Variants in NPAS3 observed in about 807,000 individuals in gnomAD.
The protein encoded by NPAS3 is neuronal PAS domain-containing protein 3.
NPAS3 carries 14 observed loss-of-function variants against 73.1 expected under a neutral mutation model. That is an observed-to-expected ratio of 0.19 (90% CI 0.13 to 0.30). The LOEUF (loss-of-function observed/expected upper bound fraction) is 0.30, where lower values mean the gene tolerates loss of function less well. Among genes scored for constraint, NPAS3 ranks in the 10% least tolerant of loss-of-function variants. The pLI is 1.00. For synonymous variants in NPAS3, 620 were observed against 541.5 expected, an observed-to-expected ratio of 1.14 and a Z score of -2.01; for missense variants, 1,096 against 1,250.0, an observed-to-expected ratio of 0.88 and a Z score of 1.86.
At chr14:32,951,666 A>C (rs73264619) in intron 1 of NPAS3, among the ~76,000 whole-genome samples, 8,499 of 152,204 alleles carry the variant, frequency 0.056, 413 homozygotes, top group African/African-American at 0.13. Flanking sequence ...GATGATATAC[A>C]ATGAAGAAGG....
chr14:33,503,837 T>A (rs2052631759), intron 4 of NPAS3, among the ~76,000 whole-genome samples: 1 of 151,938 alleles, frequency 6.6e-6, no homozygotes, highest in Non-Finnish European at 1.5e-5. Flanking sequence ...CATTTTTCCC[T>A]TTAGGGGGAG....
chr14:33,373,442 T>G (rs17491314), intron 4 of NPAS3, among the ~76,000 whole-genome samples: 31,319 of 151,214 alleles, frequency 0.21, 4,164 homozygotes, highest in Non-Finnish European at 0.31. Context: ...GTAAAATACA[T>G]GCCATTACTA....
chr14:33,459,813 T>C lies in NPAS3; in HGVS notation c.468+92545T>C, dbSNP rs144028127. On this transcript the variant is annotated intron_variant, in intron 4 of 11. Coordinates refer to ENST00000356141, the Ensembl canonical transcript of NPAS3. ...CTGAGTCAGAATCCTTATTTTTTCA[T>C]TGGGTGCCCAAGAACCCTCTTTCCT... Among the ~76,000 whole-genome samples, 11 of 152,314 alleles carry C rather than the reference T, an allele frequency of 7.2e-5. No homozygotes were observed. The East Asian group carries it at 7.7e-4, about 11-fold the overall frequency.
intron 1 of NPAS3, among the ~76,000 whole-genome samples, chr14:33,046,909 G>A (rs933906531): frequency 6.6e-6 from 1 of 152,138 alleles, no homozygotes; most frequent in Non-Finnish European, 1.5e-5. Flanking sequence ...GGGAGGCGGA[G>A]GTTGCAGTGA....
intron 2 of NPAS3, among the ~76,000 whole-genome samples, chr14:33,138,211 C>A (rs1327180478): frequency 2.7e-5 from 4 of 148,704 alleles, no homozygotes; most frequent in Admixed American, 2.0e-4. Context: ...CCCCTCCCCC[C>A]ACCTCACAAC....
intron 9 of NPAS3, among the ~76,000 whole-genome samples, chr14:33,784,745 A>ATTTTTTTTTTTTATTTTTTTTT (rs2063103673): frequency 5.4e-5 from 4 of 73,858 alleles, no homozygotes; most frequent in African/African-American, 2.5e-4. Flanking sequence ...TTATTTATTT[A>ATTTTTTTTTTTTATTTTTTTTT]TTTTTTTTTT....
At chr14:33,322,105 A>C (rs1276650937) in intron 3 of NPAS3, among the ~76,000 whole-genome samples, 1 of 152,170 alleles carries the variant, frequency 6.6e-6, no homozygotes, top group African/African-American at 2.4e-5. Flanking sequence ...CCTCCATAGC[A>C]GCTCCCTAGT....
At chr14:33,728,669 CT>C (rs781085567) in intron 6 of NPAS3, among the ~76,000 whole-genome samples, 5 of 152,300 alleles carry the variant, frequency 3.3e-5, no homozygotes, top group African/African-American at 7.2e-5. Flanking sequence ...CCGTTACCCG[CT>C]TCAGAATTGC....
chr14:33,198,275 C>G (rs962081071), intron 2 of NPAS3, among the ~76,000 whole-genome samples: 1 of 147,292 alleles, frequency 6.8e-6, no homozygotes, highest in Admixed American at 7.1e-5. Context: ...CCTGCTGGCT[C>G]AGGCAGCCTG....
chr14:33,286,909 T>G (rs1482414993), intron 3 of NPAS3, among the ~76,000 whole-genome samples: 4 of 152,184 alleles, frequency 2.6e-5, no homozygotes, highest in Non-Finnish European at 5.9e-5. Flanking sequence ...CGTGATTTCC[T>G]TAAAAATCAT....
At chr14:33,227,969 T>A (rs1488500446) in intron 3 of NPAS3, among the ~76,000 whole-genome samples, 1 of 152,166 alleles carries the variant, frequency 6.6e-6, no homozygotes, top group Non-Finnish European at 1.5e-5. Context: ...TGAACACATT[T>A]TTTTGCTTCA....
At chr14:33,734,265 A>C (rs955116563) in intron 6 of NPAS3, among the ~76,000 whole-genome samples, 5 of 152,154 alleles carry the variant, frequency 3.3e-5, no homozygotes, top group Non-Finnish European at 5.9e-5. Flanking sequence ...GTTAGGCTTA[A>C]AAACCCCAAA....
Position 33,777,056 on chromosome 14 carries a change from C to T in NPAS3, c.1047-1410C>T, listed in dbSNP as rs531099875. 9.2e-5 allele frequency among the ~76,000 whole-genome samples: 14 copies of T among 152,314 alleles called. 1 individual carries two copies. In the South Asian group the frequency reaches 2.7e-3, roughly 29 times the overall value. Reference sequence around the variant, plus strand: ...TGTTAACTAGAAACTAAGCCTTGCTCCTTGACTCTGCAGACCATTCTTCTC... The same window carrying T: ...TGTTAACTAGAAACTAAGCCTTGCTTCTTGACTCTGCAGACCATTCTTCTC... On this transcript the variant is annotated intron_variant, in intron 8 of 11. Coordinates refer to ENST00000356141, the Ensembl canonical transcript of NPAS3.
At chr14:33,178,864 T>C (rs1250718746) in intron 2 of NPAS3, among the ~76,000 whole-genome samples, 2 of 152,200 alleles carry the variant, frequency 1.3e-5, no homozygotes, top group Non-Finnish European at 2.9e-5. Context: ...TTGAATAGCA[T>C]TGGTAAAAGT....
At chr14:33,691,168 C>T (rs1169420901) in intron 6 of NPAS3, among the ~76,000 whole-genome samples, 1 of 152,176 alleles carries the variant, frequency 6.6e-6, no homozygotes, top group Non-Finnish European at 1.5e-5. Flanking sequence ...GAGTTATTCA[C>T]CAGCAGCTAT....
intron 2 of NPAS3, among the ~76,000 whole-genome samples, chr14:33,062,531 A>G (rs1423147376): frequency 2.0e-5 from 3 of 152,216 alleles, no homozygotes; most frequent in African/African-American, 4.8e-5. Flanking sequence ...CGCAGGCAGC[A>G]TGATTTAGAA....
At chr14:33,758,654 A>G (rs2062190038) in intron 7 of NPAS3, among the ~76,000 whole-genome samples, 1 of 152,360 alleles carries the variant, frequency 6.6e-6, no homozygotes, top group East Asian at 1.9e-4. Context: ...TAAACATTGC[A>G]TATTTATACA....
At chr14:33,665,446 A>G (rs1399556426) in intron 5 of NPAS3, among the ~76,000 whole-genome samples, 1 of 152,122 alleles carries the variant, frequency 6.6e-6, no homozygotes, top group African/African-American at 2.4e-5. Context: ...AAGTGTGATT[A>G]AAAAAACAAA....
At chr14:33,674,314 A>G (rs1021965239) in intron 5 of NPAS3, among the ~76,000 whole-genome samples, 1 of 152,242 alleles carries the variant, frequency 6.6e-6, no homozygotes. Flanking sequence ...GTATTAAAGG[A>G]AAAAATTAGT....
Sources: allele counts gnomAD v4.1 joint callset (sites outside exome capture counted in the v4.1 genomes callset), GRCh38; gene constraint gnomAD v4.1.1; transcripts MANE v1.5; gene names NCBI Gene and HGNC (gene_info 2026-07-23, HGNC 2026-07-21).